Variants in ANO4 observed in about 807,000 individuals in gnomAD.
ANO4 encodes anoctamin 4, also known as anoctamin-4.
In ANO4, 69 loss-of-function variants were observed where a neutral mutation model predicts 141.9. The ratio of observed to expected loss-of-function variants is 0.49; its 90% confidence interval spans 0.40 to 0.59. The LOEUF (loss-of-function observed/expected upper bound fraction) is 0.59. ANO4 is among the 20% of genes least tolerant of loss of function. The pLI is 0.00. For synonymous variants in ANO4, 350 were observed against 394.3 expected, an observed-to-expected ratio of 0.89 and a Z score of 1.33; for missense variants, 894 against 1,162.2, an observed-to-expected ratio of 0.77 and a Z score of 3.36.
chr12:100,823,961 A>G (rs1219928607), intron 1 of ANO4, among the ~76,000 whole-genome samples: 1 of 152,092 alleles, frequency 6.6e-6, no homozygotes, highest in Non-Finnish European at 1.5e-5. Context: ...CAGTCAGCCA[A>G]TAGGAGTAAA....
chr12:100,750,124 T>C (rs1045510175), intron 3 of ANO4, among the ~76,000 whole-genome samples: 3 of 151,822 alleles, frequency 2.0e-5, no homozygotes, highest in Admixed American at 6.6e-5. Flanking sequence ...CATTTCTTTT[T>C]TTTTTTCTTT....
intron 1 of ANO4, among the ~76,000 whole-genome samples, chr12:100,823,377 T>C (rs1333035844): frequency 1.3e-5 from 2 of 152,016 alleles, no homozygotes; most frequent in African/African-American, 4.8e-5. Context: ...ATTGGTAAAA[T>C]ATCTGTTATT....
chr12:100,940,656 T>C (rs1475088799), intron 4 of ANO4, among the ~76,000 whole-genome samples: 1 of 152,202 alleles, frequency 6.6e-6, no homozygotes, highest in Non-Finnish European at 1.5e-5. Context: ...AGATGTTTTT[T>C]TCGATTAAGG....
chr12:100,757,291 C>A (rs569697081), intron 3 of ANO4, among the ~76,000 whole-genome samples: 7 of 152,296 alleles, frequency 4.6e-5, no homozygotes, highest in African/African-American at 1.7e-4. Flanking sequence ...TGTCACTTGT[C>A]TTCCTTGGAG....
At chr12:101,030,857 C>T (rs990788240) in intron 9 of ANO4, among the ~76,000 whole-genome samples, 34 of 152,140 alleles carry the variant, frequency 2.2e-4, no homozygotes, top group East Asian at 5.8e-4. Context: ...AATTCCTGGA[C>T]GCAGACACTC....
At chr12:100,969,498 G>A (rs536630797) in intron 5 of ANO4, among the ~76,000 whole-genome samples, 16 of 152,296 alleles carry the variant, frequency 1.1e-4, no homozygotes, top group African/African-American at 3.6e-4. Context: ...ATCTTGATGA[G>A]TTGATTTGTG....
chr12:101,090,160 C>G (rs2049698488), intron 17 of ANO4, among the ~76,000 whole-genome samples: 1 of 152,184 alleles, frequency 6.6e-6, no homozygotes, highest in Non-Finnish European at 1.5e-5. Flanking sequence ...GGACTGTAAA[C>G]TAGTTCAACC....
intron 14 of ANO4, among the ~76,000 whole-genome samples, chr12:101,074,126 G>A (rs1156788512): frequency 6.6e-6 from 1 of 152,084 alleles, no homozygotes; most frequent in African/African-American, 2.4e-5. Flanking sequence ...TCTCCATTAA[G>A]GTAAAATGCC....
intron 1 of ANO4, among the ~76,000 whole-genome samples, chr12:100,838,534 G>C (rs1260020799): frequency 6.6e-6 from 1 of 152,140 alleles, no homozygotes; most frequent in Non-Finnish European, 1.5e-5. Context: ...GATTACAGCT[G>C]AATAGGTGGA....
intron 22 of ANO4, among the ~76,000 whole-genome samples, 186 bp from the exon 23 acceptor site, chr12:101,110,201 AGCTCCCAGGATTCCGTT>A (rs1009052705): frequency 6.6e-6 from 1 of 152,148 alleles, no homozygotes; most frequent in African/African-American, 2.4e-5. Flanking sequence ...GTGTGCTCAT[AGCTCCCAGGATTCCGTT>A]GCTTCCAGGC....
chr12:101,024,684 A>G (rs2046663585), intron 9 of ANO4, among the ~76,000 whole-genome samples: 1 of 152,092 alleles, frequency 6.6e-6, no homozygotes, highest in African/African-American at 2.4e-5. Context: ...AAAGTTATTG[A>G]TGAGATATGT....
intron 1 of ANO4, among the ~76,000 whole-genome samples, chr12:100,845,263 G>A (rs1163693983): frequency 3.9e-5 from 6 of 152,152 alleles, no homozygotes; most frequent in South Asian, 2.1e-4. Flanking sequence ...GTGAATGGGC[G>A]GAACCTGGAG....
At chr12:100,904,254 C>G (rs1408482754) in intron 2 of ANO4, among the ~76,000 whole-genome samples, 3 of 152,078 alleles carry the variant, frequency 2.0e-5, no homozygotes, top group Non-Finnish European at 4.4e-5. Flanking sequence ...AGACAAAAGT[C>G]CCTGCCCTTG....
intron 2 of ANO4, among the ~76,000 whole-genome samples, chr12:100,903,456 A>G (rs531910024): frequency 6.6e-6 from 1 of 152,108 alleles, no homozygotes; most frequent in Non-Finnish European, 1.5e-5. Flanking sequence ...TCCAGTTCAA[A>G]CTTCTTAGCA....
rs182298858 is a variant in ANO4, at chr12:100,969,346, T to A, written c.457-1960T>A. On this transcript the variant is annotated intron_variant, in intron 5 of 27. Transcript: ENST00000392977. ...GATAAAACCTCATTTCAGCCTGAAC[T>A]GCCAGAAAGTTAGACTTTTCAGACC... is the stretch of plus-strand genomic sequence containing the variant. 2.6e-5 allele frequency among the ~76,000 whole-genome samples: 4 copies of A among 152,336 alleles called. No individual in the cohort carries two copies. In the East Asian group the frequency reaches 7.7e-4, roughly 29 times the overall value.
intron 3 of ANO4, among the ~76,000 whole-genome samples, chr12:100,761,769 G>T (rs1441884424): frequency 6.6e-6 from 1 of 152,144 alleles, no homozygotes; most frequent in Non-Finnish European, 1.5e-5. Context: ...TGCCAACCCT[G>T]CAAGCAAGAC....
At chr12:101,084,571 A>G (rs1029910848) in intron 16 of ANO4, among the ~76,000 whole-genome samples, 2 of 152,144 alleles carry the variant, frequency 1.3e-5, no homozygotes, top group African/African-American at 4.8e-5. Flanking sequence ...AGTAGGAAGG[A>G]CAAGACTATA....
intron 5 of ANO4, among the ~76,000 whole-genome samples, chr12:100,946,349 G>A (rs563592651): frequency 1.3e-5 from 2 of 152,316 alleles, no homozygotes; most frequent in South Asian, 4.1e-4. Flanking sequence ...AGATTAGACT[G>A]TGAGGGGTGG....
intron 8 of ANO4, among the ~76,000 whole-genome samples, chr12:100,994,740 T>A (rs76971477): frequency 0.041 from 6,279 of 152,308 alleles, 185 homozygotes; most frequent in Non-Finnish European, 0.061. Flanking sequence ...CATCCACGTA[T>A]TCCATACCAG....
Sources: allele counts gnomAD v4.1 joint callset (sites outside exome capture counted in the v4.1 genomes callset), GRCh38; gene constraint gnomAD v4.1.1; transcripts MANE v1.5; gene names NCBI Gene and HGNC (gene_info 2026-07-23, HGNC 2026-07-21).